MYT1L: variants seen among roughly 807,000 people sequenced by gnomAD.
MYT1L encodes the protein myelin transcription factor 1-like protein.
Under a neutral mutation model 126.7 loss-of-function variants are expected in MYT1L, and 12 were observed. The observed-to-expected ratio is 0.09, with a 90% CI of 0.06 to 0.15. MYT1L has a LOEUF of 0.15. Ranked by LOEUF, MYT1L falls within the 10% of genes least tolerant of loss-of-function variation. The pLI is 1.00. For synonymous variants in MYT1L, 541 were observed against 604.2 expected (o/e 0.90, Z 1.53); for missense variants, 979 against 1,585.2 (o/e 0.62, Z 6.49).
intron 14 of MYT1L, among the ~76,000 whole-genome samples, chr2:1,899,225 C>T (rs1327319782): frequency 6.6e-6 from 1 of 152,230 alleles, no homozygotes; most frequent in African/African-American, 2.4e-5. Context: ...GTTTTTGTGG[C>T]CACTTGGCTC....
chr2:2,236,814 C>CTTCT (rs1559421527), intron 2 of MYT1L, among the ~76,000 whole-genome samples: 14 of 7,052 alleles, frequency 2.0e-3, no homozygotes, highest in Non-Finnish European at 1.7e-3. Context: ...TCTTCTTCTT[C>CTTCT]TTTTTTTTTT....
intron 2 of MYT1L, among the ~76,000 whole-genome samples, chr2:2,213,594 G>A (rs1396438295): frequency 6.6e-6 from 1 of 152,196 alleles, no homozygotes; most frequent in Non-Finnish European, 1.5e-5. Flanking sequence ...TATATTCACA[G>A]TGCCTTCAGC....
intron 1 of MYT1L, among the ~76,000 whole-genome samples, chr2:2,319,930 G>C (rs182664129): frequency 5.1e-4 from 77 of 152,138 alleles, no homozygotes; most frequent in African/African-American, 1.8e-3. Context: ...AGAGGGAAGG[G>C]AGGTGCTGAC....
chr2:2,324,841 T>C (rs915381554), intron 1 of MYT1L: 3 of 152,606 alleles, frequency 2.0e-5, no homozygotes, highest in Non-Finnish European at 2.9e-5. Flanking sequence ...GGGAGGGAAC[T>C]TCACTGCTGA....
At chr2:1,976,670 C>T (rs774568738) in intron 8 of MYT1L, among the ~76,000 whole-genome samples, 26 of 152,174 alleles carry the variant, frequency 1.7e-4, no homozygotes, top group Admixed American at 6.5e-4. Flanking sequence ...GCAGATATAA[C>T]GGAAAATTTC....
intron 1 of MYT1L, among the ~76,000 whole-genome samples, chr2:2,295,136 T>C (rs1333306303): frequency 6.6e-6 from 1 of 152,116 alleles, no homozygotes; most frequent in Non-Finnish European, 1.5e-5. Context: ...GTGCTGAGGC[T>C]TCAGAGCAGA....
At chr2:2,205,454 T>C (rs1047841728) in intron 2 of MYT1L, among the ~76,000 whole-genome samples, 5 of 152,202 alleles carry the variant, frequency 3.3e-5, no homozygotes, top group Admixed American at 3.3e-4. Context: ...ATCATTTATG[T>C]TTTTGATTTG....
intron 4 of MYT1L, among the ~76,000 whole-genome samples, chr2:2,039,520 A>G (rs1012465140): frequency 6.6e-6 from 1 of 152,358 alleles, no homozygotes; most frequent in East Asian, 1.9e-4. Context: ...GAAGTTTACC[A>G]TTTGCAGGAA....
chr2:1,876,178 T>C (rs1039194702), intron 18 of MYT1L, among the ~76,000 whole-genome samples: 1 of 152,202 alleles, frequency 6.6e-6, no homozygotes, highest in Non-Finnish European at 1.5e-5. Context: ...ATCTTTGTGA[T>C]GGAATTTCCA....
rs980278936 is a variant in MYT1L at position 2,231,656 on chromosome 2, C to T, written c.-421+52748G>A. Among the ~76,000 whole-genome samples, 33 of 152,146 alleles carry T rather than the reference C, an allele frequency of 2.2e-4. No individual in the cohort carries two copies. The East Asian group carries it at 3.5e-3, about 16-fold the overall frequency. On this transcript the variant is annotated intron_variant, in intron 2 of 24. Coordinates refer to ENST00000647738, the MANE Select transcript of MYT1L (RefSeq NM_001303052.2). ...AAAGATGGTGTCTTGCCATGTTGCT[C>T]AGGCTGGTCTTGAACTCCTGAGCTC...
chr2:2,198,236 T>C (rs913838111), intron 2 of MYT1L, among the ~76,000 whole-genome samples: 3 of 151,988 alleles, frequency 2.0e-5, no homozygotes, highest in Non-Finnish European at 4.4e-5. Context: ...GAGCAAAGAA[T>C]AGAACAGTGG....
chr2:2,166,865 G>A (rs367926056), intron 3 of MYT1L, among the ~76,000 whole-genome samples: 3 of 151,998 alleles, frequency 2.0e-5, no homozygotes, highest in South Asian at 2.1e-4. Context: ...ATGTTTGTGC[G>A]AAGTCATAGT....
chr2:2,090,359 C>T (rs879346707), intron 3 of MYT1L, among the ~76,000 whole-genome samples: 1 of 152,170 alleles, frequency 6.6e-6, no homozygotes, highest in Admixed American at 6.6e-5. Flanking sequence ...CAAAAAAGTG[C>T]ATATAAATGA....
At chr2:1,951,359 T>A (rs557733657) in intron 8 of MYT1L, among the ~76,000 whole-genome samples, 1 of 151,740 alleles carries the variant, frequency 6.6e-6, no homozygotes, top group African/African-American at 2.4e-5. Context: ...GGGACAGAGA[T>A]GAAGAGGTCA....
chr2:2,015,040 G>A (rs1558743632), intron 4 of MYT1L, among the ~76,000 whole-genome samples: 3 of 152,018 alleles, frequency 2.0e-5, no homozygotes, highest in South Asian at 4.2e-4. Context: ...TGATCTTTTC[G>A]GCCCTAATTC....
chr2:2,277,551 G>A (rs556172847), intron 2 of MYT1L, among the ~76,000 whole-genome samples: 2 of 152,344 alleles, frequency 1.3e-5, no homozygotes, highest in Non-Finnish European at 2.9e-5. Context: ...AGCCTTCACT[G>A]TGTTTATCAG....
At chr2:2,244,116 A>G (rs755274615) in intron 2 of MYT1L, among the ~76,000 whole-genome samples, 7 of 152,188 alleles carry the variant, frequency 4.6e-5, no homozygotes, top group Non-Finnish European at 8.8e-5. Context: ...ATAGGAAAAT[A>G]CTCAAACTTA....
chr2:2,221,305 G>A (rs1559376991), intron 2 of MYT1L, among the ~76,000 whole-genome samples: 1 of 152,128 alleles, frequency 6.6e-6, no homozygotes. Flanking sequence ...GGAACCGCTG[G>A]CATGGATTGA....
At chr2:1,809,223 A>G in intron 21 of MYT1L, 56 bp from the exon 22 acceptor site, 1 of 1,516,004 alleles carries the variant, frequency 6.6e-7, no homozygotes, top group Non-Finnish European at 9.2e-7. Flanking sequence ...CCAGCCCTGC[A>G]GGGAAGTGGT....
Sources: allele counts gnomAD v4.1 joint callset (sites outside exome capture counted in the v4.1 genomes callset), GRCh38; gene constraint gnomAD v4.1.1; transcripts MANE v1.5; gene names NCBI Gene and HGNC (gene_info 2026-07-23, HGNC 2026-07-21).